Variants in MEIS2 observed in about 807,000 individuals in gnomAD.
MEIS2 encodes homeobox protein Meis2.
A neutral mutation model predicts 58.6 loss-of-function variants in MEIS2; 9 were observed. That is an observed-to-expected ratio of 0.15 (90% CI 0.09 to 0.27). MEIS2 has a LOEUF of 0.27. Ranked by LOEUF, MEIS2 falls within the 10% of genes least tolerant of loss-of-function variation. The pLI is 1.00. For missense variants in MEIS2, 427 were observed against 635.0 expected (o/e 0.67, Z 3.52); for synonymous variants, 221 against 228.4 (o/e 0.97, Z 0.29).
At chr15:36,893,526 T>G (rs1239444978) in intron 11 of MEIS2, among the ~76,000 whole-genome samples, 1 of 152,194 alleles carries the variant, frequency 6.6e-6, no homozygotes, top group African/African-American at 2.4e-5. Flanking sequence ...TGATGATAAT[T>G]AAGTACCAAA....
In MEIS2 at chr15:37,098,062, G is replaced by A. The variant is rs375301418; in HGVS notation, c.150C>T (p.His50=). The change falls in exon 2 of 12, where the codon CAC becomes CAT. Residue 50 remains histidine, a synonymous_variant. Coordinates refer to ENST00000561208, the MANE Select transcript of MEIS2 (RefSeq NM_170675.5). ...NHGPPLHATQ[H]YGAHAPHPNV... is the part of the protein sequence containing the mutation. ...TGGGGTGCGGGGCGTGCGCGCCGTA[G>A]TGCTGTGTGGCGTGGAGCGGCGGCC... 1.5e-5 allele frequency: 25 copies of A among 1,613,724 alleles called. No individual in the cohort carries two copies. The African/African-American group carries it at 2.9e-4, about 19-fold the overall frequency.
chr15:37,011,172 C>A (rs1282935232), intron 8 of MEIS2, among the ~76,000 whole-genome samples: 1 of 152,194 alleles, frequency 6.6e-6, no homozygotes, highest in East Asian at 1.9e-4. Flanking sequence ...TATTATATCA[C>A]ACAGAGTAAA....
intron 8 of MEIS2, among the ~76,000 whole-genome samples, chr15:36,983,634 T>C (rs1040335575): frequency 1.3e-5 from 2 of 152,122 alleles, no homozygotes; most frequent in African/African-American, 4.8e-5. Context: ...TTGGAATCTT[T>C]TGTGGTACCA....
intron 9 of MEIS2, among the ~76,000 whole-genome samples, chr15:36,908,629 C>T (rs1322274386): frequency 1.3e-5 from 2 of 152,130 alleles, no homozygotes; most frequent in African/African-American, 4.8e-5. Flanking sequence ...TCTATTTCCA[C>T]TTTCACAATG....
At chr15:36,951,655 G>C (rs975083349) in intron 8 of MEIS2, among the ~76,000 whole-genome samples, 2 of 152,132 alleles carry the variant, frequency 1.3e-5, no homozygotes, top group Non-Finnish European at 1.5e-5. Context: ...AACTAGATTT[G>C]TATTAATATA....
intron 8 of MEIS2, among the ~76,000 whole-genome samples, chr15:36,959,405 G>A (rs750103317): frequency 1.7e-4 from 26 of 152,162 alleles, no homozygotes; most frequent in Non-Finnish European, 3.5e-4. Flanking sequence ...TGCCTTGAGA[G>A]TAGAGACTGG....
intron 6 of MEIS2, among the ~76,000 whole-genome samples, chr15:37,086,770 G>A (rs559117384): frequency 1.2e-4 from 19 of 152,260 alleles, no homozygotes; most frequent in African/African-American, 4.3e-4. Context: ...GTTACCACAA[G>A]TTGTTTGTAT....
chr15:36,961,926 T>C (rs1337432340), intron 8 of MEIS2, among the ~76,000 whole-genome samples: 1 of 152,230 alleles, frequency 6.6e-6, no homozygotes, highest in African/African-American at 2.4e-5. Context: ...TTTATATTCT[T>C]AGAAATAAAT....
At position 37,095,519 on chromosome 15, in the gene MEIS2, G is replaced by T. The variant is rs368885633; in HGVS notation, c.438+45C>A. 1.9e-6 allele frequency: 3 copies of T among 1,613,798 alleles called. No homozygotes were observed. The African/African-American group carries it at 4.0e-5, about 22-fold the overall frequency. Reference sequence around the variant, plus strand: ...CAGAAAGTGGGTGCTTCTGGGCATGGGAGAGGGCAAAGGCTGGGGAAAAAC... The same window carrying T: ...CAGAAAGTGGGTGCTTCTGGGCATGTGAGAGGGCAAAGGCTGGGGAAAAAC... On this transcript the variant is annotated intron_variant, in intron 4 of 11. Transcript: ENST00000561208.
At chr15:37,092,420 A>G (rs914289111) in intron 6 of MEIS2, among the ~76,000 whole-genome samples, 23 of 152,150 alleles carry the variant, frequency 1.5e-4, no homozygotes, top group African/African-American at 5.3e-4. Flanking sequence ...GGTAGGGACA[A>G]ACTGCCTTCA....
intron 9 of MEIS2, among the ~76,000 whole-genome samples, chr15:36,943,689 C>A (rs187712681): frequency 2.5e-4 from 38 of 152,110 alleles, no homozygotes; most frequent in Non-Finnish European, 1.2e-4. Context: ...GCATTCCAAC[C>A]CAGCAAAGAA....
intron 11 of MEIS2, among the ~76,000 whole-genome samples, chr15:36,893,113 T>C (rs1283975734): frequency 4.6e-5 from 7 of 152,232 alleles, no homozygotes; most frequent in Non-Finnish European, 1.0e-4. Flanking sequence ...AATGCCTTGA[T>C]ATTAGGAATA....
In MEIS2 at chr15:37,033,785, G is replaced by A. The variant is rs1283941075; in HGVS notation, c.900+3029C>T. ...CTAAATTAACATGTCGCTAGTTAGGGGTCTCTATTCTTGGTTTCTGAGCTC... is the reference window on the plus strand; with the variant it reads ...CTAAATTAACATGTCGCTAGTTAGGAGTCTCTATTCTTGGTTTCTGAGCTC... On this transcript the variant is annotated intron_variant, in intron 8 of 11. Transcript: ENST00000561208. Among the ~76,000 whole-genome samples, 3 of 152,068 alleles carry A rather than the reference G, an allele frequency of 2.0e-5. No homozygotes were observed. The East Asian group carries it at 5.8e-4, about 29-fold the overall frequency.
chr15:36,910,706 C>T (rs1195920063), intron 9 of MEIS2, among the ~76,000 whole-genome samples: 2 of 152,138 alleles, frequency 1.3e-5, no homozygotes, highest in Non-Finnish European at 2.9e-5. Flanking sequence ...CCAAATATGA[C>T]ACCTTGACCC....
chr15:36,987,741 G>A lies in MEIS2; in HGVS notation c.901-37341C>T, dbSNP rs368852852. Among the ~76,000 whole-genome samples, 29 of 151,720 alleles carry A rather than the reference G, an allele frequency of 1.9e-4. No individual in the cohort carries two copies. In the East Asian group the frequency reaches 4.5e-3, roughly 23 times the overall value. ...CCCTTAGTTCCTTTTCTGTTCACAG[G>A]GATCATCTTCATCTGATCTAAATGA... On this transcript the variant is annotated intron_variant, in intron 8 of 11. Coordinates refer to ENST00000561208, the MANE Select transcript of MEIS2 (RefSeq NM_170675.5).
chr15:36,941,713 T>C (rs2058382197), intron 9 of MEIS2, among the ~76,000 whole-genome samples: 1 of 152,172 alleles, frequency 6.6e-6, no homozygotes, highest in Non-Finnish European at 1.5e-5. Flanking sequence ...AGGAGATCAA[T>C]CTATCAATCA....
chr15:37,043,294 C>A (rs1208726571), intron 7 of MEIS2, among the ~76,000 whole-genome samples: 5 of 152,080 alleles, frequency 3.3e-5, no homozygotes, highest in African/African-American at 1.2e-4. Context: ...TTTTCTGTCT[C>A]TTTTTGTAGC....
chr15:37,038,444 G>T (rs1419815987), intron 7 of MEIS2, among the ~76,000 whole-genome samples: 1 of 152,204 alleles, frequency 6.6e-6, no homozygotes. Context: ...AAGCAGAAAA[G>T]CCACAGCAAA....
intron 7 of MEIS2, among the ~76,000 whole-genome samples, chr15:37,048,161 T>C (rs1176989735): frequency 6.6e-6 from 1 of 152,166 alleles, no homozygotes; most frequent in Non-Finnish European, 1.5e-5. Flanking sequence ...TAAAACACAT[T>C]TTTAACATTT....
Sources: allele counts gnomAD v4.1 joint callset (sites outside exome capture counted in the v4.1 genomes callset), GRCh38; gene constraint gnomAD v4.1.1; transcripts MANE v1.5; gene names NCBI Gene and HGNC (gene_info 2026-07-23, HGNC 2026-07-21).